Variants in RIMKLB observed in about 807,000 individuals in gnomAD.
The protein encoded by RIMKLB is beta-citrylglutamate synthase B.
Under a neutral mutation model 32.0 loss-of-function variants are expected in RIMKLB, and 7 were observed. The ratio of observed to expected loss-of-function variants is 0.22; its 90% confidence interval spans 0.12 to 0.41. The LOEUF (loss-of-function observed/expected upper bound fraction) is 0.41. Among genes scored for constraint, RIMKLB ranks in the 10% least tolerant of loss-of-function variants. The pLI, the probability that RIMKLB is intolerant of heterozygous loss-of-function variation, is 1.00. For missense variants in RIMKLB, 289 were observed against 498.7 expected (o/e 0.58, Z 4.00); for synonymous variants, 172 against 185.1 (o/e 0.93, Z 0.57).
chr12:8,741,446 A>C (rs771527941), intron 2 of RIMKLB, among the ~76,000 whole-genome samples: 1 of 151,724 alleles, frequency 6.6e-6, no homozygotes, highest in African/African-American at 2.4e-5. Context: ...ATAAATCAAT[A>C]AAATAGAAGA....
At chr12:8,757,491 T>TAAAAAAAAAAAAAAAAAAAA (rs1949148423) in intron 5 of RIMKLB, among the ~76,000 whole-genome samples, 1 of 136,516 alleles carries the variant, frequency 7.3e-6, no homozygotes, top group Admixed American at 6.9e-5. Flanking sequence ...AAAAAAAAAG[T>TAAAAAAAAAAAAAAAAAAAA]TGTTTTGAGA....
upstream of RIMKLB, chr12:8,697,080 A>G (rs1942915071): frequency 6.6e-6 from 1 of 152,088 alleles, no homozygotes. Flanking sequence ...AATGCTCTTA[A>G]AATATCTCAT....
chr12:8,779,786 G>C (rs1462448772), downstream of RIMKLB: 1 of 152,108 alleles, frequency 6.6e-6, no homozygotes, highest in East Asian at 1.9e-4. Flanking sequence ...GAATAGAAAT[G>C]AATCTCAGGA....
In RIMKLB at chr12:8,775,019, G is replaced by A; in HGVS notation, c.*1235G>A. 1 of 985,774 alleles carries A rather than the reference G, an allele frequency of 1.0e-6. No individual in the cohort carries two copies. The highest frequency in any genetic ancestry group is 1.2e-6 in the Non-Finnish European group (1 of 829,876). 61.1% of individuals were successfully genotyped at this position (985,774 alleles called of 1,614,324 possible). A position where few individuals can be genotyped will look rare whatever the true frequency, so the allele number is the denominator to read the frequency against. On this transcript the variant is annotated 3_prime_UTR_variant, in exon 6 of 6. Coordinates refer to ENST00000535829, the MANE Select transcript of RIMKLB (RefSeq NM_001297776.2). ...AACAGATGAGTTGTTTTCATAAGTA[G>A]ACTCCACTGGGGTAGAGGTATTCAC...
intron 5 of RIMKLB, among the ~76,000 whole-genome samples, chr12:8,772,902 G>A (rs1290766280): frequency 1.3e-5 from 2 of 152,116 alleles, no homozygotes; most frequent in African/African-American, 2.4e-5. Context: ...TTGAAGTGGG[G>A]GCTATAGAGG....
chr12:8,682,803 T>TAAAAA (rs34405359), intron 1 of RIMKLB, among the ~76,000 whole-genome samples: 1 of 132,422 alleles, frequency 7.6e-6, no homozygotes, highest in Non-Finnish European at 1.6e-5. Context: ...ATAAATAAAT[T>TAAAAA]AAAAAAAAAA....
intron 2 of RIMKLB, among the ~76,000 whole-genome samples, chr12:8,731,143 C>G (rs11046953): frequency 6.6e-6 from 1 of 152,112 alleles, no homozygotes; most frequent in Admixed American, 6.5e-5. Context: ...GTCGCCCAGG[C>G]TGGAGTGCAG....
At chr12:8,753,703 CTATT>C (rs1442451781) in intron 4 of RIMKLB, among the ~76,000 whole-genome samples, 183 bp from the exon 5 acceptor site, 1 of 151,872 alleles carries the variant, frequency 6.6e-6, no homozygotes, top group Non-Finnish European at 1.5e-5. Context: ...TAAAAGGAGA[CTATT>C]TACCTTGTCT....
chr12:8,763,485 A>G (rs1285015960), intron 5 of RIMKLB, among the ~76,000 whole-genome samples: 1 of 152,248 alleles, frequency 6.6e-6, no homozygotes, highest in East Asian at 1.9e-4. Flanking sequence ...CATATTCAGC[A>G]GAAGCCTGTT....
chr12:8,752,265 G>C (rs1948673818), intron 4 of RIMKLB, among the ~76,000 whole-genome samples: 1 of 152,124 alleles, frequency 6.6e-6, no homozygotes, highest in African/African-American at 2.4e-5. Context: ...GTTAATGTCT[G>C]TATCTTCCTC....
intron 7 of RIMKLB, among the ~76,000 whole-genome samples, chr12:8,782,265 GTTTTA>G (rs1429512229): frequency 2.0e-5 from 3 of 151,856 alleles, no homozygotes; most frequent in African/African-American, 7.3e-5. Flanking sequence ...CAATAATTTT[GTTTTA>G]TTTTGTATGT....
upstream of RIMKLB, among the ~76,000 whole-genome samples, chr12:8,681,321 T>G (rs1942404980): frequency 6.6e-6 from 1 of 150,506 alleles, no homozygotes; most frequent in African/African-American, 2.5e-5. Flanking sequence ...AACAAACAAT[T>G]GTACAAAAAA....
intron 5 of RIMKLB, among the ~76,000 whole-genome samples, chr12:8,772,978 TTTA>T (rs1371750949): frequency 6.6e-6 from 1 of 152,250 alleles, no homozygotes; most frequent in Non-Finnish European, 1.5e-5. Flanking sequence ...GTTATGCATT[TTTA>T]TTATTTTTAT....
At chr12:8,748,519 C>CGTAT (rs544655023) in intron 2 of RIMKLB, among the ~76,000 whole-genome samples, 1,353 of 131,282 alleles carry the variant, frequency 0.01, 8 homozygotes, top group Non-Finnish European at 0.016. Flanking sequence ...TGGGATTATT[C>CGTAT]GTGTGTGTGT....
intron 2 of RIMKLB, among the ~76,000 whole-genome samples, chr12:8,726,959 A>T (rs1946071958): frequency 6.6e-6 from 1 of 151,720 alleles, no homozygotes; most frequent in African/African-American, 2.4e-5. Context: ...CTTTCTTGGC[A>T]TTTCATTTAT....
chr12:8,703,404 T>C (rs1319643040), intron 1 of RIMKLB, among the ~76,000 whole-genome samples: 1 of 152,234 alleles, frequency 6.6e-6, no homozygotes, highest in Non-Finnish European at 1.5e-5. Context: ...CATAGCTCAC[T>C]GTAGCCTTGA....
At chr12:8,782,908 CT>C (rs915892679) in intron 7 of RIMKLB, 3 of 152,134 alleles carry the variant, frequency 2.0e-5, no homozygotes, top group Admixed American at 6.5e-5. Flanking sequence ...TTTTTCCCCC[CT>C]AGGTTCTTTT....
At position 8,748,996 on chromosome 12, in the gene RIMKLB, T is replaced by C. The variant is rs1247780796; in HGVS notation, c.176-866T>C. 3.3e-5 allele frequency among the ~76,000 whole-genome samples: 5 copies of C among 152,258 alleles called. No homozygotes were observed. In the East Asian group the frequency reaches 9.7e-4, roughly 29 times the overall value. On this transcript the variant is annotated intron_variant, in intron 2 of 5. Transcript: ENST00000535829. ...GTGTATTATTTGGGGTCTTCCTAAA[T>C]AGAATGGTATTGGATAAATGTTCAA...
chr12:8,761,741 C>A (rs1661897271), intron 5 of RIMKLB, among the ~76,000 whole-genome samples: 1 of 152,148 alleles, frequency 6.6e-6, no homozygotes, highest in African/African-American at 2.4e-5. Flanking sequence ...TCCTGTCTGT[C>A]AGTCCCCCCT....
Sources: allele counts gnomAD v4.1 joint callset (sites outside exome capture counted in the v4.1 genomes callset), GRCh38; gene constraint gnomAD v4.1.1; transcripts MANE v1.5; gene names NCBI Gene and HGNC (gene_info 2026-07-23, HGNC 2026-07-21).